Variants in DOK5 observed in about 807,000 individuals in gnomAD.
The protein encoded by DOK5 is docking protein 5, also known as downstream of tyrosine kinase 5.
Under a neutral mutation model 43.3 loss-of-function variants are expected in DOK5, and 27 were observed. That is an observed-to-expected ratio of 0.62 (90% confidence interval 0.46 to 0.86). The LOEUF is 0.86. Among genes scored for constraint, DOK5 ranks in the 40% least tolerant of loss-of-function variants. The pLI is 0.00. For synonymous variants in DOK5, 146 were observed against 140.1 expected (o/e 1.04, Z -0.30); for missense variants, 373 against 392.9 (o/e 0.95, Z 0.43).
chr20:54,615,421 G>A (rs751404853), intron 6 of DOK5, among the ~76,000 whole-genome samples: 1 of 152,084 alleles, frequency 6.6e-6, no homozygotes, highest in Non-Finnish European at 1.5e-5. Context: ...TATCCAGGTG[G>A]GTCGAATATA....
intron 6 of DOK5, among the ~76,000 whole-genome samples, chr20:54,611,424 G>A (rs1986646337): frequency 6.6e-6 from 1 of 152,064 alleles, no homozygotes; most frequent in South Asian, 2.1e-4. Context: ...AGCCAGGTGT[G>A]GTGGTATGCG....
At chr20:54,502,324 C>T (rs73274989) in intron 1 of DOK5, among the ~76,000 whole-genome samples, 2,301 of 152,022 alleles carry the variant, frequency 0.015, 51 homozygotes, top group African/African-American at 0.052. Flanking sequence ...TTCTTTGTAC[C>T]AGGAGATAAC....
chr20:54,523,696 C>T (rs1014600715), intron 1 of DOK5, among the ~76,000 whole-genome samples: 2 of 152,180 alleles, frequency 1.3e-5, no homozygotes, highest in South Asian at 4.1e-4. Flanking sequence ...ACCTCCATCT[C>T]CTGGGTTCAA....
At chr20:54,596,038 A>G (rs1986131280) in intron 5 of DOK5, among the ~76,000 whole-genome samples, 2 of 152,238 alleles carry the variant, frequency 1.3e-5, no homozygotes, top group Non-Finnish European at 2.9e-5. Flanking sequence ...CTTTTGGAGC[A>G]GAACATAAGC....
At chr20:54,630,505 C>T (rs1978514900) in intron 6 of DOK5, among the ~76,000 whole-genome samples, 1 of 152,156 alleles carries the variant, frequency 6.6e-6, no homozygotes, top group African/African-American at 2.4e-5. Flanking sequence ...CTCCTTAATA[C>T]ACAACTCTGA....
intron 7 of DOK5, among the ~76,000 whole-genome samples, chr20:54,646,207 T>C (rs891410891): frequency 1.3e-5 from 2 of 151,252 alleles, no homozygotes; most frequent in African/African-American, 4.9e-5. Flanking sequence ...AAAAAAAGCA[T>C]ATTTTACTAC....
chr20:54,488,892 A>C (rs1982053663), intron 1 of DOK5, among the ~76,000 whole-genome samples: 1 of 151,702 alleles, frequency 6.6e-6, no homozygotes, highest in Non-Finnish European at 1.5e-5. Flanking sequence ...ATCTGACAGT[A>C]AGTTCTCTGA....
chr20:54,648,327 TC>T (rs1484008980), intron 7 of DOK5, among the ~76,000 whole-genome samples: 1 of 151,800 alleles, frequency 6.6e-6, no homozygotes, highest in Non-Finnish European at 1.5e-5. Flanking sequence ...TAATGGAGAG[TC>T]ACAATCCATA....
chr20:54,625,899 T>G (rs1232175352), intron 6 of DOK5, among the ~76,000 whole-genome samples: 1 of 152,236 alleles, frequency 6.6e-6, no homozygotes, highest in Non-Finnish European at 1.5e-5. Context: ...TTTTATTAAA[T>G]GCCTACTATA....
chr20:54,598,300 A>G (rs1401193141), intron 5 of DOK5, among the ~76,000 whole-genome samples: 1 of 152,158 alleles, frequency 6.6e-6, no homozygotes, highest in African/African-American at 2.4e-5. Context: ...TAATGGACAT[A>G]TTGCTTATTT....
At chr20:54,643,702 C>A in intron 7 of DOK5, 124 bp downstream of exon 7, 1 of 1,289,352 alleles carries the variant, frequency 7.8e-7, no homozygotes, top group Non-Finnish European at 1.0e-6. Flanking sequence ...AAGGTAGGAC[C>A]CCCATCAAGG....
intron 1 of DOK5, among the ~76,000 whole-genome samples, chr20:54,515,810 AGC>A (rs1983180215): frequency 6.6e-6 from 1 of 152,246 alleles, no homozygotes; most frequent in African/African-American, 2.4e-5. Context: ...GGGAGATGCT[AGC>A]TACCCAGAAA....
Position 54,475,958 on chromosome 20 carries a change from T to C in DOK5, c.12T>C (p.Asn4=). ...ACCGGCTGTCTGGGATGGCTTCCAA[T>C]TTTAATGACATAGTGAAGCAAGGGT... The part of the protein sequence containing the change: MAS[N]FNDIVKQGYV... Residue 4 remains asparagine, a synonymous_variant, in exon 1 of 8, where the codon AAT becomes AAC. Coordinates refer to ENST00000262593, the MANE Select transcript of DOK5 (RefSeq NM_018431.5). The surrounding 1 kb of genome is among the most constrained non-coding windows in gnomAD (Gnocchi z 4.2). 6.2e-7 allele frequency: 1 copy of C among 1,613,480 alleles called. No individual in the cohort carries two copies. Among genetic ancestry groups the C allele is most frequent in the Non-Finnish European group, 8.5e-7 (1 of 1,179,936 alleles).
chr20:54,526,107 C>A (rs1983565174), intron 1 of DOK5, among the ~76,000 whole-genome samples: 2 of 151,832 alleles, frequency 1.3e-5, no homozygotes, highest in South Asian at 4.2e-4. Context: ...ATCTCTGGCC[C>A]AGAAGCCTGC....
rs536885721 is a variant in DOK5, at chr20:54,509,847, T to G, written c.66+33835T>G. Among the ~76,000 whole-genome samples the G allele has an allele frequency of 1.8e-4, 27 of 152,080 alleles. No individual in the cohort carries two copies. In the South Asian group the frequency reaches 5.6e-3, roughly 32 times the overall value. On this transcript the variant is annotated intron_variant, in intron 1 of 7. Transcript: ENST00000262593. ...TGCCTCCACCTGTCCCGAAAACTAATGCTGCCTGGGAGCTAGTCGACTAAA... is the reference window on the plus strand; with the variant it reads ...TGCCTCCACCTGTCCCGAAAACTAAGGCTGCCTGGGAGCTAGTCGACTAAA...
intron 1 of DOK5, among the ~76,000 whole-genome samples, chr20:54,481,886 A>G (rs1981735570): frequency 6.6e-6 from 1 of 152,232 alleles, no homozygotes; most frequent in Admixed American, 6.5e-5. Context: ...TGATGATCAT[A>G]AAGAGCTTAA....
intron 1 of DOK5, among the ~76,000 whole-genome samples, chr20:54,547,501 A>G (rs140815920): frequency 6.6e-6 from 1 of 152,342 alleles, no homozygotes; most frequent in African/African-American, 2.4e-5. Flanking sequence ...TAATTGTTTC[A>G]GCTGCTTCTT....
At chr20:54,628,770 T>G (rs6023428) in intron 6 of DOK5, among the ~76,000 whole-genome samples, 6 of 152,028 alleles carry the variant, frequency 3.9e-5, no homozygotes, top group Admixed American at 3.3e-4. Flanking sequence ...ATTATGCCCC[T>G]CACCAAACCA....
chr20:54,503,396 C>T (rs1171783633), intron 1 of DOK5, among the ~76,000 whole-genome samples: 3 of 151,912 alleles, frequency 2.0e-5, no homozygotes, highest in Non-Finnish European at 4.4e-5. Context: ...ACAAAGTGGA[C>T]CTGGCCTTGG....
Sources: gnomAD v4.1 joint callset for allele counts (sites outside exome capture counted in the v4.1 genomes callset) on GRCh38, gnomAD v4.1.1 for gene constraint, Gnocchi (gnomAD v3.1) non-coding constraint, MANE v1.5 for transcripts, NCBI Gene and HGNC (gene_info 2026-07-23, HGNC 2026-07-21) for gene names.